Variants in CYP3A5 observed in about 807,000 individuals in gnomAD.
The protein encoded by CYP3A5 is cytochrome P450 3A5.
In CYP3A5, 51 loss-of-function variants were observed where a neutral mutation model predicts 55.9. The ratio of observed to expected loss-of-function variants is 0.91; its 90% CI spans 0.73 to 1.15. The LOEUF is 1.15. Ranked by LOEUF, CYP3A5 falls within the 50% of genes most tolerant of loss-of-function variation. CYP3A5 has a pLI of 0.00. For synonymous variants in CYP3A5, 196 were observed against 213.9 expected (o/e 0.92, Z 0.73); for missense variants, 533 against 596.6 (o/e 0.89, Z 1.11).
At chr7:99,658,154 T>A (rs957093556) in intron 10 of CYP3A5, among the ~76,000 whole-genome samples, 2 of 152,212 alleles carry the variant, frequency 1.3e-5, no homozygotes, top group Admixed American at 1.3e-4. Context: ...TGCTCGTTAG[T>A]TGATGCAGTT....
At chr7:99,665,741 A>G (rs1450902261) in intron 6 of CYP3A5, among the ~76,000 whole-genome samples, 7 of 152,228 alleles carry the variant, frequency 4.6e-5, no homozygotes, top group Non-Finnish European at 1.5e-5. Context: ...GCCCAGAGCC[A>G]ATTCCTCTTC....
chr7:99,654,910 C>G (rs1166572997), intron 10 of CYP3A5, among the ~76,000 whole-genome samples: 43 of 152,204 alleles, frequency 2.8e-4, no homozygotes, highest in Admixed American at 2.6e-3. Context: ...ATCCTTCCCC[C>G]ACTTGTTGAT....
At chr7:99,670,330 C>T (rs535899709) in intron 4 of CYP3A5, among the ~76,000 whole-genome samples, 1 of 152,242 alleles carries the variant, frequency 6.6e-6, no homozygotes, top group Admixed American at 6.5e-5. Context: ...ATGTTTCAAA[C>T]CATAACAGCA....
intron 8 of CYP3A5, chr7:99,663,423 G>C: frequency 6.1e-6 from 6 of 990,032 alleles, no homozygotes; most frequent in Non-Finnish European, 7.2e-6. Context: ...TGGCCTCTAG[G>C]GCTCGTGAAG....
intron 10 of CYP3A5, among the ~76,000 whole-genome samples, chr7:99,655,949 A>T (rs1331114020): frequency 1.3e-5 from 2 of 152,138 alleles, no homozygotes; most frequent in Non-Finnish European, 1.5e-5. Context: ...TACTTTGCTG[A>T]AGTTGTTTAT....
intron 12 of CYP3A5, among the ~76,000 whole-genome samples, 171 bp downstream of exon 12, chr7:99,649,902 A>G (rs761222422): frequency 5.3e-5 from 8 of 152,254 alleles, no homozygotes; most frequent in Non-Finnish European, 8.8e-5. Context: ...TCTTAATGCT[A>G]CAGGTTTTGA....
Position 99,676,394 on chromosome 7 carries a change from C to G in CYP3A5, c.72-186G>C, listed in dbSNP as rs759288392. 82 of 1,514,434 alleles carry G rather than the reference C, an allele frequency of 5.4e-5. No homozygotes were observed. In the South Asian group the frequency reaches 8.6e-4, roughly 16 times the overall value. The allele number at this position is 1,514,434 out of a possible 1,614,324, so 93.8% of individuals were successfully genotyped here. On this transcript the variant is annotated intron_variant, in intron 1 of 12. Transcript: ENST00000222982. Reference sequence around the variant, plus strand: ...GTCCTTTCCTGACTATTCTGAGACCCCTGAAAAGTCTCAATGATTAGCTGA... The same window carrying G: ...GTCCTTTCCTGACTATTCTGAGACCGCTGAAAAGTCTCAATGATTAGCTGA...
Position 99,665,184 on chromosome 7 carries a change from G to T in CYP3A5, c.652C>A (p.Pro218Thr). ...KKFLKFGFLD[P>T]LFLSIILFPF... Reference sequence around the variant, plus strand: ...CACATACTTATTGAGAGAAATAATGGATCTAAGAAACCAAATTTTAGGAAC... The same window carrying T: ...CACATACTTATTGAGAGAAATAATGTATCTAAGAAACCAAATTTTAGGAAC... The change falls in exon 7 of 13, where the codon CCA (proline) becomes ACA (threonine). Residue 218 changes from proline to threonine, a missense_variant. Physicochemically the swap from Pro to Thr is conservative, Grantham distance 38 (BLOSUM62 -1). Transcript: ENST00000222982. 1 of 1,612,774 alleles carries T rather than the reference G, an allele frequency of 6.2e-7. No homozygotes were observed. The highest frequency in any genetic ancestry group is 8.5e-7 in the Non-Finnish European group (1 of 1,178,982).
At position 99,672,627 on chromosome 7, in the gene CYP3A5, T is replaced by G; in HGVS notation, c.271A>C (p.Arg91=). The change falls in exon 4 of 13, where the codon AGA becomes CGA. Residue 91 remains arginine, a synonymous_variant. Transcript: ENST00000222982. ...TAACATTCTTTCACTAGCACTGTTC[T>G]GATCACGTCGGGATCTGTGATGGCC... The part of the protein sequence containing the change: ...VLAITDPDVI[R]TVLVKECYSV... The G allele has an allele frequency of 6.2e-7, 1 of 1,614,200 alleles. No individual in the cohort carries two copies. The highest frequency in any genetic ancestry group is 8.5e-7 in the Non-Finnish European group (1 of 1,180,002).
At chr7:99,663,634 G>A in intron 8 of CYP3A5, 1 of 1,009,178 alleles carries the variant, frequency 9.9e-7, no homozygotes, top group Non-Finnish European at 1.2e-6. Flanking sequence ...TATGAGGAAA[G>A]CACAATACCA....
chr7:99,648,322 T>C lies in CYP3A5; in HGVS notation c.1492A>G (p.Thr498Ala). 2.5e-6 allele frequency: 4 copies of C among 1,613,182 alleles called. No individual in the cohort carries two copies. The highest frequency in any genetic ancestry group is 3.4e-6 in the Non-Finnish European group (4 of 1,179,420). Residue 498 changes from threonine to alanine, a missense_variant, in exon 13 of 13, where the codon ACC (threonine) becomes GCC (alanine). Coordinates refer to ENST00000222982, the MANE Select transcript of CYP3A5 (RefSeq NM_000777.5). ...AGAATAACTCATTCTCCACTTAGGG[T>C]TCCATCTCTTGAATCCACCTTTAGA... ...IVLKVDSRDG[T>A]LSGE
At chr7:99,676,265 C>T in intron 1 of CYP3A5, 57 bp from the exon 2 acceptor site, 1 of 1,608,804 alleles carries the variant, frequency 6.2e-7, no homozygotes, top group Non-Finnish European at 8.5e-7. Context: ...GATCAGAGGG[C>T]TGGTGAGTTA....
rs921749503 is a variant in CYP3A5, at chr7:99,676,153, GT to G, written c.126del (p.Pro43LeufsTer47). 6.2e-7 allele frequency: 1 copy of G among 1,613,886 alleles called. No individual in the cohort carries two copies. On this transcript the variant is annotated frameshift_variant, in exon 2 of 13. Coordinates refer to ENST00000222982, the MANE Select transcript of CYP3A5 (RefSeq NM_000777.5). LOFTEE classifies it high-confidence loss of function. Reference sequence around the variant, plus strand: ...AAAACATTTCCCAACAAAGGCAGAGGTGTGGGCCCTGGAATTCCCAGTCTCT... The same window carrying G: ...AAAACATTTCCCAACAAAGGCAGAGGGTGGGCCCTGGAATTCCCAGTCTCT... ...LFKRLGIPGPTPLPLLGNVLS... is the reference protein window; with the variant it reads ...LFKRLGIPGPXPLPLLGNVLS...
chr7:99,653,954 A>C lies in CYP3A5; in HGVS notation c.1027-1175T>G, dbSNP rs960304614. On this transcript the variant is annotated intron_variant, in intron 10 of 12. Transcript: ENST00000222982. This position sits in a 1 kb window ranked among gnomAD's most constrained non-coding sequence, Gnocchi z 4.2. ...TGTGGGGAGAGCTGAGTCAGCCTCC[A>C]TCGCGCCCCCAGGGCCAGGCTACCT... Among the ~76,000 whole-genome samples the C allele has an allele frequency of 6.6e-6, 1 of 152,194 alleles. No homozygotes were observed. The highest frequency in any genetic ancestry group is 1.5e-5 in the Non-Finnish European group (1 of 68,028).
At chr7:99,679,360 A>G (rs1812606950) in intron 1 of CYP3A5, among the ~76,000 whole-genome samples, 1 of 152,096 alleles carries the variant, frequency 6.6e-6, no homozygotes, top group South Asian at 2.1e-4. Context: ...CCAGGTCTAC[A>G]GGGGCAATAC....
At position 99,666,611 on chromosome 7, in the gene CYP3A5, T is replaced by TA. The variant is rs765303708; in HGVS notation, c.510_511insT (p.Thr171TyrfsTer38). 3.1e-6 allele frequency: 5 copies of TA among 1,613,720 alleles called. No individual in the cohort carries two copies. In the African/African-American group the frequency reaches 6.7e-5, roughly 22 times the overall value. The stretch of plus-strand genomic sequence containing the variant: ...TGTGCTCCTACTTACTCTTTCAAGG[T>TA]GACAGGCTTGCCTTTCTCTGCTTCC... On this transcript the variant is annotated frameshift_variant, in exon 6 of 13. Coordinates refer to ENST00000222982, the MANE Select transcript of CYP3A5 (RefSeq NM_000777.5). LOFTEE classifies it high-confidence loss of function.
rs545108793 is a variant in CYP3A5 at position 99,653,957 on chromosome 7, G to A, written c.1027-1178C>T. ...GGGGAGAGCTGAGTCAGCCTCCATCGCGCCCCCAGGGCCAGGCTACCTCAG... is the reference window on the plus strand; with the variant it reads ...GGGGAGAGCTGAGTCAGCCTCCATCACGCCCCCAGGGCCAGGCTACCTCAG... On this transcript the variant is annotated intron_variant, in intron 10 of 12. Coordinates refer to ENST00000222982, the MANE Select transcript of CYP3A5 (RefSeq NM_000777.5). This position sits in a 1 kb window ranked among gnomAD's most constrained non-coding sequence, Gnocchi z 4.2. Among the ~76,000 whole-genome samples the A allele has an allele frequency of 5.3e-5, 8 of 152,210 alleles. No homozygotes were observed. The highest frequency in any genetic ancestry group is 1.9e-4 in the East Asian group (1 of 5,186).
chr7:99,653,016 G>A lies in CYP3A5; in HGVS notation c.1027-237C>T, dbSNP rs1482950092. On this transcript the variant is annotated intron_variant, in intron 10 of 12. Coordinates refer to ENST00000222982, the MANE Select transcript of CYP3A5 (RefSeq NM_000777.5). This position sits in a 1 kb window ranked among gnomAD's most constrained non-coding sequence, Gnocchi z 4.2. ...TATTCAAGACCATCCTCACCCCAGG[G>A]ACTGAAATCCTTAGCATGACCATGT... 6.6e-6 allele frequency among the ~76,000 whole-genome samples: 1 copy of A among 152,174 alleles called. No individual in the cohort carries two copies. Among genetic ancestry groups the A allele is most frequent in the African/African-American group, 2.4e-5 (1 of 41,436 alleles).
At position 99,657,317 on chromosome 7, in the gene CYP3A5, T is replaced by A. The variant is rs200633575; in HGVS notation, c.1026+3182A>T. On this transcript the variant is annotated intron_variant, in intron 10 of 12. Coordinates refer to ENST00000222982, the MANE Select transcript of CYP3A5 (RefSeq NM_000777.5). ...TTGTTGGTTTCAAAGAACATCTTTA[T>A]TTCTGCCTTCATTTCGTTATGTACC... 2.6e-5 allele frequency among the ~76,000 whole-genome samples: 4 copies of A among 152,234 alleles called. No individual in the cohort carries two copies. The East Asian group carries it at 7.7e-4, about 29-fold the overall frequency.
Sources: allele counts gnomAD v4.1 joint callset (sites outside exome capture counted in the v4.1 genomes callset), GRCh38; gene constraint gnomAD v4.1.1; non-coding constraint Gnocchi (gnomAD v3.1); transcripts MANE v1.5; gene names NCBI Gene and HGNC (gene_info 2026-07-23, HGNC 2026-07-21).